Variants in MBNL1 observed in about 807,000 individuals in gnomAD.
The protein encoded by MBNL1 is muscleblind-like protein 1.
In MBNL1, 8 loss-of-function variants were observed where a neutral mutation model predicts 42.2. The observed-to-expected ratio is 0.19, with a 90% CI of 0.11 to 0.34. The LOEUF (loss-of-function observed/expected upper bound fraction) is 0.34. MBNL1 is among the 10% of genes least tolerant of loss of function. The pLI is 1.00. For synonymous variants in MBNL1, 169 were observed against 173.9 expected (o/e 0.97, Z 0.22); for missense variants, 309 against 495.3 (o/e 0.62, Z 3.57).
intron 6 of MBNL1, among the ~76,000 whole-genome samples, chr3:152,454,269 C>G (rs958193693): frequency 6.6e-6 from 1 of 152,126 alleles, no homozygotes; most frequent in African/African-American, 2.4e-5. Context: ...ACAAACTAAT[C>G]GCAGCTGTTA....
chr3:152,397,434 A>G (rs936690457), intron 2 of MBNL1, among the ~76,000 whole-genome samples: 9 of 151,914 alleles, frequency 5.9e-5, no homozygotes, highest in Admixed American at 3.9e-4. Context: ...TTCAACTCCT[A>G]CTTACACTTG....
At chr3:152,304,151 A>T (rs2061857431) in intron 2 of MBNL1, among the ~76,000 whole-genome samples, 1 of 152,122 alleles carries the variant, frequency 6.6e-6, no homozygotes, top group Admixed American at 6.6e-5. Context: ...ACACAAATAT[A>T]TGTACATACA....
chr3:152,388,412 A>G lies in MBNL1; in HGVS notation c.175-26529A>G, dbSNP rs187016204. On this transcript the variant is annotated intron_variant, in intron 2 of 9. Coordinates refer to ENST00000324210, the MANE Select transcript of MBNL1 (RefSeq NM_021038.5). Reference sequence around the variant, plus strand: ...ACAGGACTTGAGAAATGAGAATAGTATAATAAATGTCAGTAGTTATGGATT... The same window carrying G: ...ACAGGACTTGAGAAATGAGAATAGTGTAATAAATGTCAGTAGTTATGGATT... 1.9e-3 allele frequency among the ~76,000 whole-genome samples: 292 copies of G among 152,350 alleles called. 1 individual carries two copies. Among genetic ancestry groups the G allele is most frequent in the Non-Finnish European group, 3.1e-3 (213 of 68,038 alleles).
intron 8 of MBNL1, 36 bp downstream of exon 8, chr3:152,456,397 A>G: frequency 6.5e-7 from 1 of 1,544,754 alleles, no homozygotes; most frequent in Middle Eastern, 1.7e-4. Flanking sequence ...TTAAAAAACA[A>G]CTCTAATAGG....
rs1204932463 is a variant in MBNL1 at position 152,463,060 on chromosome 3, T to G, written c.*694T>G. ...ATAGACTGTACATCAAATTAGAGTA[T>G]TATTTCTTCAGTGTTATTGTTTTCA... On this transcript the variant is annotated 3_prime_UTR_variant, in exon 10 of 10. Coordinates refer to ENST00000324210, the MANE Select transcript of MBNL1 (RefSeq NM_021038.5). 6.6e-6 allele frequency: 1 copy of G among 152,294 alleles called. No homozygotes were observed. The highest frequency in any genetic ancestry group is 1.5e-5 in the Non-Finnish European group (1 of 67,906). 9.4% of individuals were successfully genotyped at this position (152,294 alleles called of 1,614,324 possible). A position where few individuals can be genotyped will look rare whatever the true frequency, so the allele number is the denominator to read the frequency against.
At chr3:152,347,862 A>C (rs533456372) in intron 2 of MBNL1, among the ~76,000 whole-genome samples, 1 of 152,284 alleles carries the variant, frequency 6.6e-6, no homozygotes, top group East Asian at 1.9e-4. Context: ...TGCATGTTTA[A>C]AAATATACTG....
intron 2 of MBNL1, chr3:152,335,325 G>A (rs574267333): frequency 9.3e-6 from 11 of 1,184,024 alleles, no homozygotes; most frequent in Non-Finnish European, 1.2e-5. Flanking sequence ...ATGGGAAATG[G>A]CTTTTGGTAT....
intron 2 of MBNL1, among the ~76,000 whole-genome samples, chr3:152,325,695 A>G (rs937265057): frequency 1.3e-5 from 2 of 151,870 alleles, no homozygotes; most frequent in African/African-American, 4.8e-5. Flanking sequence ...GATTGTAAGT[A>G]GCAAAGCCCT....
At chr3:152,386,515 AG>A (rs1338835583) in intron 2 of MBNL1, among the ~76,000 whole-genome samples, 6 of 152,250 alleles carry the variant, frequency 3.9e-5, no homozygotes, top group Admixed American at 1.3e-4. Flanking sequence ...TGCTTCACAA[AG>A]TAAAAGTTAG....
chr3:152,284,750 C>CG (rs1362095217), intron 1 of MBNL1, among the ~76,000 whole-genome samples: 8 of 151,992 alleles, frequency 5.3e-5, no homozygotes, highest in African/African-American at 1.9e-4. Context: ...ACTTTTAAAG[C>CG]GGCATTGCAT....
At chr3:152,348,942 A>G (rs2094600584) in intron 2 of MBNL1, among the ~76,000 whole-genome samples, 1 of 152,090 alleles carries the variant, frequency 6.6e-6, no homozygotes, top group Non-Finnish European at 1.5e-5. Context: ...AAGCAGGTGA[A>G]ATATGAGATT....
chr3:152,389,628 C>T (rs2097593584), intron 2 of MBNL1, among the ~76,000 whole-genome samples: 1 of 151,950 alleles, frequency 6.6e-6, no homozygotes, highest in Non-Finnish European at 1.5e-5. Context: ...TGTATCTAGA[C>T]ATAGAAAAGG....
chr3:152,447,434 T>A (rs1334181383), intron 5 of MBNL1, among the ~76,000 whole-genome samples, 186 bp from the exon 6 acceptor site: 1 of 152,004 alleles, frequency 6.6e-6, no homozygotes, highest in Non-Finnish European at 1.5e-5. Context: ...CTTTAAAGCT[T>A]TTATCTTGCT....
In MBNL1 at chr3:152,250,247, A is replaced by G. The variant is rs2034284148; in HGVS notation, n.333+5807A>G. Among the ~76,000 whole-genome samples the G allele has an allele frequency of 2.0e-5, 3 of 151,636 alleles. No homozygotes were observed. The South Asian group carries it at 6.3e-4, about 32-fold the overall frequency. ...TTCACGATATTGATTCTTCCTACCC[A>G]TGAGCATGGAATGTTCTTCCATTTG... On this transcript the variant is annotated intron_variant and non_coding_transcript_variant, in intron 2 of 2. Transcript: ENST00000477171.
chr3:152,287,740 T>C (rs887117895), intron 1 of MBNL1, among the ~76,000 whole-genome samples: 3 of 152,214 alleles, frequency 2.0e-5, no homozygotes, highest in African/African-American at 7.2e-5. Flanking sequence ...TACGATTGCA[T>C]TCTGATTTGC....
intron 3 of MBNL1, among the ~76,000 whole-genome samples, chr3:152,418,989 T>TA (rs1440262794): frequency 6.6e-6 from 1 of 152,166 alleles, no homozygotes; most frequent in African/African-American, 2.4e-5. Context: ...GTGCTGGGAT[T>TA]ACAGGCGTGA....
intron 2 of MBNL1, among the ~76,000 whole-genome samples, chr3:152,337,417 C>T (rs776900766): frequency 2.6e-5 from 4 of 151,994 alleles, no homozygotes; most frequent in African/African-American, 9.7e-5. Flanking sequence ...GTCAGGAGTT[C>T]GAGAACAGCC....
At chr3:152,283,657 T>C (rs1290186720) in intron 1 of MBNL1, among the ~76,000 whole-genome samples, 1 of 152,190 alleles carries the variant, frequency 6.6e-6, no homozygotes, top group Non-Finnish European at 1.5e-5. Flanking sequence ...AAGTGAAGGC[T>C]GAATTCTTTA....
chr3:152,363,317 T>A (rs1186104994), intron 2 of MBNL1, among the ~76,000 whole-genome samples: 1 of 152,190 alleles, frequency 6.6e-6, no homozygotes, highest in Non-Finnish European at 1.5e-5. Flanking sequence ...ACCAAGAGCC[T>A]GATCTTTGTT....
Sources: gnomAD v4.1 joint callset for allele counts (sites outside exome capture counted in the v4.1 genomes callset) on GRCh38, gnomAD v4.1.1 for gene constraint, MANE v1.5 for transcripts, NCBI Gene and HGNC (gene_info 2026-07-23, HGNC 2026-07-21) for gene names.